SKAP1: variants seen among roughly 807,000 people sequenced by gnomAD.
The protein encoded by SKAP1 is src kinase associated phosphoprotein 1.
Under a neutral mutation model 58.5 loss-of-function variants are expected in SKAP1, and 44 were observed. The observed-to-expected ratio is 0.75, with a 90% CI of 0.59 to 0.97. The LOEUF (loss-of-function observed/expected upper bound fraction) is 0.97. Among genes scored for constraint, SKAP1 ranks in the 50% least tolerant of loss-of-function variants. SKAP1 has a pLI of 0.00. For synonymous variants in SKAP1, 127 were observed against 149.7 expected (o/e 0.85, Z 1.11); for missense variants, 390 against 435.2 (o/e 0.90, Z 0.92).
intron 3 of SKAP1, 56 bp from the exon 4 acceptor site, chr17:48,346,062 G>A: frequency 1.9e-6 from 2 of 1,043,530 alleles, no homozygotes; most frequent in Non-Finnish European, 2.8e-6. Context: ...CTTATAAAAG[G>A]ATACATCCTT....
intron 7 of SKAP1, 35 bp downstream of exon 7, chr17:48,184,688 C>A (rs2064420110): frequency 6.2e-7 from 1 of 1,613,552 alleles, no homozygotes; most frequent in Admixed American, 1.7e-5. Context: ...AACTGCAACA[C>A]CAAGAAGGAT....
chr17:48,444,381 C>T, the SKAP1 span, among the ~76,000 whole-genome samples: 1 of 152,160 alleles, frequency 6.6e-6, no homozygotes, highest in African/African-American at 2.4e-5. Flanking sequence ...TAGGGTGAGA[C>T]TCCGTCTCAA....
intron 1 of SKAP1, among the ~76,000 whole-genome samples, chr17:48,420,289 T>A (rs1334528089): frequency 6.6e-6 from 1 of 152,226 alleles, no homozygotes; most frequent in African/African-American, 2.4e-5. Context: ...AAAAACTGTT[T>A]AAGTATTATA....
intron 1 of SKAP1, among the ~76,000 whole-genome samples, chr17:48,417,279 T>C (rs1344258496): frequency 6.6e-6 from 1 of 152,078 alleles, no homozygotes; most frequent in Admixed American, 6.5e-5. Context: ...TTCTACCTCC[T>C]GTAGAGGAAA....
chr17:48,419,277 G>T (rs1253130391), intron 1 of SKAP1, among the ~76,000 whole-genome samples: 2 of 150,584 alleles, frequency 1.3e-5, no homozygotes, highest in Non-Finnish European at 3.0e-5. Context: ...AGAAAGAAAA[G>T]AATTTGGGGC....
intron 4 of SKAP1, among the ~76,000 whole-genome samples, chr17:48,289,598 A>G (rs72827814): frequency 0.15 from 23,210 of 152,074 alleles, 2,412 homozygotes; most frequent in Non-Finnish European, 0.22. Flanking sequence ...TTCATAAAAT[A>G]ATACTGAGTG....
intron 4 of SKAP1, among the ~76,000 whole-genome samples, chr17:48,322,478 A>G (rs2066380471): frequency 6.6e-6 from 1 of 152,110 alleles, no homozygotes. Flanking sequence ...AGTGGGCTGG[A>G]TATTTATGTT....
At chr17:48,367,537 TATATATATATATGGATATATATCC>T (rs1214861456) in intron 2 of SKAP1, among the ~76,000 whole-genome samples, 1 of 51,228 alleles carries the variant, frequency 2.0e-5, no homozygotes, top group Admixed American at 3.0e-4. Context: ...TATGTGTGTG[TATATATATATATGGATATATATCC>T]ATATATATAT....
intron 4 of SKAP1, among the ~76,000 whole-genome samples, chr17:48,268,471 C>T (rs997848345): frequency 1.4e-5 from 2 of 147,780 alleles, no homozygotes; most frequent in African/African-American, 2.5e-5. Flanking sequence ...TGAGTTGGTA[C>T]GAAGTGGAGA....
chr17:48,424,056 A>C (rs2067826125), intron 1 of SKAP1, among the ~76,000 whole-genome samples: 1 of 152,186 alleles, frequency 6.6e-6, no homozygotes, highest in Non-Finnish European at 1.5e-5. Flanking sequence ...ACTACAAACT[A>C]GGTAGCTTAT....
At chr17:48,307,603 C>A (rs1240506395) in intron 4 of SKAP1, 1 of 152,224 alleles carries the variant, frequency 6.6e-6, no homozygotes, top group African/African-American at 2.4e-5. Flanking sequence ...TTGCCTGACA[C>A]ACAATGTATG....
intron 11 of SKAP1, among the ~76,000 whole-genome samples, chr17:48,140,784 T>C: frequency 6.6e-6 from 1 of 151,420 alleles, no homozygotes; most frequent in Non-Finnish European, 1.5e-5. Context: ...TCTTCTTTTT[T>C]TTTTTTTTTT....
chr17:48,242,645 C>G (rs1057053313), intron 4 of SKAP1, among the ~76,000 whole-genome samples: 1 of 152,206 alleles, frequency 6.6e-6, no homozygotes, highest in African/African-American at 2.4e-5. Flanking sequence ...GAGTTAACCA[C>G]TGCAAGGAAG....
At chr17:48,224,270 G>A (rs1176200699) in intron 4 of SKAP1, among the ~76,000 whole-genome samples, 1 of 152,158 alleles carries the variant, frequency 6.6e-6, no homozygotes, top group East Asian at 1.9e-4. Flanking sequence ...TTTATCCTAT[G>A]GGTGTAGGAC....
intron 4 of SKAP1, among the ~76,000 whole-genome samples, chr17:48,319,529 A>G (rs2066332897): frequency 1.3e-5 from 2 of 152,202 alleles, no homozygotes. Context: ...ATGTTGCTCC[A>G]TAGCTTGACT....
chr17:48,221,295 A>G (rs1352415897), intron 4 of SKAP1, among the ~76,000 whole-genome samples: 4 of 152,126 alleles, frequency 2.6e-5, no homozygotes, highest in Non-Finnish European at 5.9e-5. Flanking sequence ...TAAATCATTG[A>G]GTTCTACATT....
At chr17:48,268,316 A>C (rs940247283) in intron 4 of SKAP1, among the ~76,000 whole-genome samples, 1 of 151,966 alleles carries the variant, frequency 6.6e-6, no homozygotes, top group African/African-American at 2.4e-5. Flanking sequence ...CTTACTAGTC[A>C]AAAGTCCTAA....
chr17:48,314,398 A>C (rs2066262997), intron 4 of SKAP1, among the ~76,000 whole-genome samples: 1 of 152,220 alleles, frequency 6.6e-6, no homozygotes, highest in African/African-American at 2.4e-5. Context: ...CTCCCTTACA[A>C]AAATTCAACA....
chr17:48,146,505 A>G (rs1057188252), intron 11 of SKAP1, among the ~76,000 whole-genome samples: 12 of 143,510 alleles, frequency 8.4e-5, no homozygotes, highest in Admixed American at 4.2e-4. Flanking sequence ...AAAAAAAAAA[A>G]CAATGAAGGG....
Sources: allele counts gnomAD v4.1 joint callset (sites outside exome capture counted in the v4.1 genomes callset), GRCh38; gene constraint gnomAD v4.1.1; transcripts MANE v1.5; gene names NCBI Gene and HGNC (gene_info 2026-07-23, HGNC 2026-07-21).